The following MMP26 variants were observed in gnomAD, a reference collection of about 807,000 sequenced individuals.
The protein encoded by MMP26 is matrix metalloproteinase-26.
In MMP26, 33 loss-of-function variants were observed where a neutral mutation model predicts 31.0. The observed-to-expected ratio is 1.06, with a 90% CI of 0.81 to 1.42. The LOEUF (loss-of-function observed/expected upper bound fraction) is 1.42. Ranked by LOEUF, MMP26 falls within the 40% of genes most tolerant of loss-of-function variation. MMP26 has a pLI of 0.00. For synonymous variants in MMP26, 122 were observed against 114.9 expected (o/e 1.06, Z -0.40); for missense variants, 347 against 316.1 (o/e 1.10, Z -0.74).
intron 2 of MMP26, among the ~76,000 whole-genome samples, chr11:4,917,544 C>T (rs557680129): frequency 1.1e-4 from 17 of 152,250 alleles, no homozygotes; most frequent in African/African-American, 3.6e-4. Context: ...ACTCCAATAA[C>T]GGTGGCATTA....
At chr11:4,901,438 G>T (rs1210689497) in intron 2 of MMP26, among the ~76,000 whole-genome samples, 1 of 152,036 alleles carries the variant, frequency 6.6e-6, no homozygotes, top group Non-Finnish European at 1.5e-5. Context: ...GGGATTACAG[G>T]TGTGAGCCAC....
At chr11:4,863,031 G>A (rs1850185398) in intron 2 of MMP26, among the ~76,000 whole-genome samples, 1 of 152,148 alleles carries the variant, frequency 6.6e-6, no homozygotes, top group Admixed American at 6.6e-5. Flanking sequence ...TGGCTTTCAG[G>A]TGGAAATGAC....
chr11:4,752,134 G>A (rs189427283), intron 1 of MMP26: 45 of 152,196 alleles, frequency 3.0e-4, no homozygotes, highest in Non-Finnish European at 5.7e-4. Context: ...GAGGGGATGA[G>A]CAAGTATACG....
chr11:4,861,675 G>C (rs982294627), intron 2 of MMP26, among the ~76,000 whole-genome samples: 4 of 152,020 alleles, frequency 2.6e-5, no homozygotes, highest in Non-Finnish European at 5.9e-5. Context: ...GAAGATAAAA[G>C]TTATTGGCTC....
At chr11:4,758,773 T>C (rs1402944115) in intron 1 of MMP26, among the ~76,000 whole-genome samples, 2 of 152,234 alleles carry the variant, frequency 1.3e-5, no homozygotes, top group Middle Eastern at 3.4e-3. Flanking sequence ...GAAGCATATA[T>C]AACATTCAAT....
intron 2 of MMP26, among the ~76,000 whole-genome samples, chr11:4,836,580 T>G (rs1159524479): frequency 6.7e-6 from 1 of 149,664 alleles, no homozygotes; most frequent in Non-Finnish European, 1.5e-5. Context: ...AACTTAGAAG[T>G]AAAAACTATT....
At chr11:4,793,160 T>TTGA (rs1362621649) in intron 2 of MMP26, among the ~76,000 whole-genome samples, 7 of 152,180 alleles carry the variant, frequency 4.6e-5, no homozygotes, top group Non-Finnish European at 8.8e-5. Flanking sequence ...CTCATTTAAT[T>TTGA]TTATAATCAC....
intron 2 of MMP26, chr11:4,908,042 C>G: frequency 6.2e-7 from 1 of 1,614,146 alleles, no homozygotes; most frequent in Non-Finnish European, 8.5e-7. Flanking sequence ...GAAGACTATA[C>G]TCAGCATTGC....
chr11:4,750,720 G>A (rs930055108), intron 1 of MMP26, among the ~76,000 whole-genome samples: 4 of 152,006 alleles, frequency 2.6e-5, no homozygotes, highest in South Asian at 2.1e-4. Context: ...GATAAATAAT[G>A]TGCACATATG....
intron 2 of MMP26, chr11:4,915,624 A>C (rs1851075480): frequency 6.2e-7 from 1 of 1,613,656 alleles, no homozygotes; most frequent in Admixed American, 1.7e-5. Flanking sequence ...AAGGTAGCAG[A>C]AACGCTGCTG....
At chr11:4,824,050 T>C (rs982231813) in intron 2 of MMP26, among the ~76,000 whole-genome samples, 2 of 152,144 alleles carry the variant, frequency 1.3e-5, no homozygotes, top group African/African-American at 4.8e-5. Flanking sequence ...CATTTGTAAA[T>C]GACCTTAGAC....
chr11:4,990,791 A>C, intron 5 of MMP26, 45 bp downstream of exon 5: 1 of 1,575,978 alleles, frequency 6.3e-7, no homozygotes, highest in Non-Finnish European at 8.6e-7. Context: ...TGCCCTGTGT[A>C]AAGGACAAAG....
Position 4,723,263 on chromosome 11 carries a change from C to T in MMP26, c.-217+18218C>T. On this transcript the variant is annotated intron_variant, in intron 1 of 7. Transcript: ENST00000380390. ...CCGGCTGATGTTCCAGTTCATCTTG[C>T]AGATCTCAGTCTTGTGCGCTGCGGG... 8.8e-6 allele frequency: 10 copies of T among 1,140,106 alleles called. No homozygotes were observed. In the South Asian group the frequency reaches 1.1e-4, roughly 13 times the overall value. The allele number at this position is 1,140,106 out of a possible 1,614,324, so 70.6% of individuals were successfully genotyped here.
At chr11:4,721,234 T>C (rs1194907457) in intron 1 of MMP26, among the ~76,000 whole-genome samples, 3 of 152,304 alleles carry the variant, frequency 2.0e-5, no homozygotes, top group Non-Finnish European at 4.4e-5. Flanking sequence ...AATATGGTCA[T>C]GATAGGGGTT....
At chr11:4,771,814 G>A (rs947867435) in intron 2 of MMP26, among the ~76,000 whole-genome samples, 1 of 152,270 alleles carries the variant, frequency 6.6e-6, no homozygotes, top group Non-Finnish European at 1.5e-5. Flanking sequence ...ATTTAAGTAT[G>A]AATTATTAGA....
At chr11:4,824,193 G>T (rs769952796) in intron 2 of MMP26, among the ~76,000 whole-genome samples, 1 of 152,024 alleles carries the variant, frequency 6.6e-6, no homozygotes, top group Non-Finnish European at 1.5e-5. Flanking sequence ...TATTTAAACA[G>T]GTTAAGGGAT....
intron 1 of MMP26, among the ~76,000 whole-genome samples, chr11:4,760,154 C>A (rs960424987): frequency 1.3e-5 from 2 of 152,092 alleles, no homozygotes; most frequent in Non-Finnish European, 2.9e-5. Flanking sequence ...GGAGTTAGAT[C>A]CTCCTTTGGA....
chr11:4,985,810 T>C (rs941338798), intron 2 of MMP26, among the ~76,000 whole-genome samples: 5 of 152,226 alleles, frequency 3.3e-5, no homozygotes, highest in Non-Finnish European at 7.3e-5. Context: ...ATATTTGTAT[T>C]ACCCAGATAT....
At chr11:4,822,021 T>C in intron 2 of MMP26, 3 of 1,614,026 alleles carry the variant, frequency 1.9e-6, no homozygotes, top group Non-Finnish European at 2.5e-6. Flanking sequence ...ACAGCATCCT[T>C]GGTCTGTTTG....
Sources: allele counts gnomAD v4.1 joint callset (sites outside exome capture counted in the v4.1 genomes callset), GRCh38; gene constraint gnomAD v4.1.1; transcripts MANE v1.5; gene names NCBI Gene and HGNC (gene_info 2026-07-23, HGNC 2026-07-21).